The following MAPKAP1 variants were observed in gnomAD, a reference collection of about 807,000 sequenced individuals.
The protein encoded by MAPKAP1 is MAPK associated protein 1.
In MAPKAP1, 20 loss-of-function variants were observed where a neutral mutation model predicts 65.7. The ratio of observed to expected loss-of-function variants is 0.30; its 90% CI spans 0.21 to 0.44. The LOEUF is 0.44. MAPKAP1 is among the 20% of genes least tolerant of loss of function. MAPKAP1 has a pLI of 1.00. For missense variants in MAPKAP1, 423 were observed against 648.0 expected, an observed-to-expected ratio of 0.65 and a Z score of 3.77; for synonymous variants, 222 against 244.3, an observed-to-expected ratio of 0.91 and a Z score of 0.85.
chr9:125,679,867 T>C (rs1267256283), intron 1 of MAPKAP1, among the ~76,000 whole-genome samples: 2 of 152,166 alleles, frequency 1.3e-5, no homozygotes, highest in South Asian at 2.1e-4. Flanking sequence ...CTGTGAAAAC[T>C]TGTCAGAATA....
chr9:125,508,077 G>T lies in MAPKAP1; in HGVS notation c.959-1660C>A, dbSNP rs559279096. The stretch of plus-strand genomic sequence containing the variant: ...GCTACTCGGGAGGCTGAGGCGGGGG[G>T]ATTGCTTGAGCCCAGGAGCTGGAGG... On this transcript the variant is annotated intron_variant, in intron 7 of 11. Transcript: ENST00000265960. Among the ~76,000 whole-genome samples, 5 of 152,138 alleles carry T rather than the reference G, an allele frequency of 3.3e-5. No homozygotes were observed. In the East Asian group the frequency reaches 5.8e-4, roughly 18 times the overall value.
chr9:125,639,986 G>T (rs1415938224), intron 4 of MAPKAP1, among the ~76,000 whole-genome samples: 1 of 152,116 alleles, frequency 6.6e-6, no homozygotes, highest in Non-Finnish European at 1.5e-5. Flanking sequence ...TTCCAGCCAG[G>T]TTCTCCTCAC....
intron 4 of MAPKAP1, among the ~76,000 whole-genome samples, chr9:125,592,592 A>G (rs1397370561): frequency 6.6e-6 from 1 of 152,188 alleles, no homozygotes; most frequent in East Asian, 1.9e-4. Context: ...TAAGGGATCA[A>G]GTAGGCATCA....
intron 4 of MAPKAP1, among the ~76,000 whole-genome samples, chr9:125,587,901 A>C (rs1831836355): frequency 6.6e-6 from 1 of 152,204 alleles, no homozygotes. Context: ...ACAACAACCC[A>C]AAAAACCCCA....
chr9:125,684,937 C>T (rs1588072908), intron 1 of MAPKAP1, among the ~76,000 whole-genome samples: 1 of 152,180 alleles, frequency 6.6e-6, no homozygotes, highest in East Asian at 1.9e-4. Flanking sequence ...CCTCCCAGGG[C>T]GTTGGGATTA....
chr9:125,590,993 C>G (rs561782256), intron 4 of MAPKAP1, among the ~76,000 whole-genome samples: 2 of 152,124 alleles, frequency 1.3e-5, no homozygotes, highest in Non-Finnish European at 2.9e-5. Flanking sequence ...AGGCTGGTCT[C>G]GAACTCCTGA....
In MAPKAP1 at chr9:125,657,754, T is replaced by C. The variant is rs1834071913; in HGVS notation, c.395A>G (p.Lys132Arg). Residue 132 changes from lysine to arginine, a missense_variant, in exon 4 of 12, where the codon AAG becomes AGG. Lys to Arg is a conservative substitution (Grantham distance 26, BLOSUM62 2). Around this residue, in one of 6 missense-constraint regions of MAPKAP1, gnomAD observed 67 missense variants for 69.6 expected, o/e 0.96. Coordinates refer to ENST00000265960, the MANE Select transcript of MAPKAP1 (RefSeq NM_001006617.3). The part of the protein sequence containing the change: ...SLFEKKSLKE[K>R]PPISGKQSIL... ...CGACTGCTTCCCAGAAATTGGAGGC[T>C]TCTCTTTGAGAGATTTTTTTTCAAA... 6.2e-7 allele frequency: 1 copy of C among 1,613,906 alleles called. No homozygotes were observed. The highest frequency in any genetic ancestry group is 1.7e-5 in the Admixed American group (1 of 59,998).
At chr9:125,656,179 C>T (rs985676795) in intron 4 of MAPKAP1, among the ~76,000 whole-genome samples, 1 of 152,146 alleles carries the variant, frequency 6.6e-6, no homozygotes, top group Admixed American at 6.5e-5. Flanking sequence ...CAACTGCTTA[C>T]CCTAATCCCA....
At position 125,459,953 on chromosome 9, in the gene MAPKAP1, G is replaced by C. The variant is rs569845012; in HGVS notation, c.1345+8019C>G. ...GCTTACTTTTTCCATGTCTAAGAGAGTAACTTAAAATCTAAGCTCTCCATT... is the reference window on the plus strand; with the variant it reads ...GCTTACTTTTTCCATGTCTAAGAGACTAACTTAAAATCTAAGCTCTCCATT... On this transcript the variant is annotated intron_variant, in intron 10 of 11. Transcript: ENST00000265960. Among the ~76,000 whole-genome samples the C allele has an allele frequency of 1.6e-4, 25 of 152,252 alleles. No individual in the cohort carries two copies. The South Asian group carries it at 5.2e-3, about 32-fold the overall frequency.
At chr9:125,481,846 T>C (rs1489042510) in intron 9 of MAPKAP1, among the ~76,000 whole-genome samples, 1 of 151,698 alleles carries the variant, frequency 6.6e-6, no homozygotes, top group East Asian at 2.0e-4. Context: ...AAACTGAAAG[T>C]GTGGCCAGGC....
At chr9:125,687,877 C>A (rs1835031884) in intron 1 of MAPKAP1, among the ~76,000 whole-genome samples, 1 of 152,144 alleles carries the variant, frequency 6.6e-6, no homozygotes, top group Non-Finnish European at 1.5e-5. Context: ...CTAGCTATAT[C>A]TTTTTGGAAG....
At chr9:125,497,499 TCA>T (rs1267210172) in intron 8 of MAPKAP1, among the ~76,000 whole-genome samples, 1 of 152,220 alleles carries the variant, frequency 6.6e-6, no homozygotes, top group Non-Finnish European at 1.5e-5. Context: ...ACTTCACCCC[TCA>T]GTTTCCTCTT....
chr9:125,498,390 G>A (rs760278033), intron 8 of MAPKAP1, among the ~76,000 whole-genome samples: 1 of 152,140 alleles, frequency 6.6e-6, no homozygotes, highest in African/African-American at 2.4e-5. Flanking sequence ...TTACTGGCTG[G>A]ATAACTTCGA....
At position 125,467,878 on chromosome 9, in the gene MAPKAP1, G is replaced by A; in HGVS notation, c.1345+94C>T. On this transcript the variant is annotated intron_variant, in intron 10 of 11. Transcript: ENST00000265960. ...ATTAAAACAGACCCAAGGAAAAAAG[G>A]ACACAGTGGCAATATATTCTCCTGG... 2.2e-6 allele frequency: 3 copies of A among 1,346,294 alleles called. No individual in the cohort carries two copies. In the East Asian group the frequency reaches 6.9e-5, roughly 31 times the overall value. 83.4% of individuals were successfully genotyped at this position (1,346,294 alleles called of 1,614,324 possible). A position where few individuals can be genotyped will look rare whatever the true frequency, so the allele number is the denominator to read the frequency against.
At chr9:125,448,992 G>A (rs1336167488) in intron 10 of MAPKAP1, among the ~76,000 whole-genome samples, 10 of 129,526 alleles carry the variant, frequency 7.7e-5, no homozygotes, top group Non-Finnish European at 1.4e-4. Context: ...GTGACAGAGC[G>A]AGACTCTGTC....
At chr9:125,695,927 C>A (rs1440984831) in intron 1 of MAPKAP1, among the ~76,000 whole-genome samples, 1 of 152,102 alleles carries the variant, frequency 6.6e-6, no homozygotes, top group Non-Finnish European at 1.5e-5. Flanking sequence ...GGGGTTTCTA[C>A]ATGTTGGTCA....
At chr9:125,507,369 G>A (rs1301393569) in intron 7 of MAPKAP1, among the ~76,000 whole-genome samples, 5 of 152,332 alleles carry the variant, frequency 3.3e-5, no homozygotes, top group East Asian at 1.9e-4. Context: ...TCTGAAAGGC[G>A]TGTTTGGTCA....
chr9:125,583,166 T>C (rs117370022), intron 5 of MAPKAP1, among the ~76,000 whole-genome samples: 4,134 of 152,322 alleles, frequency 0.027, 84 homozygotes, highest in Non-Finnish European at 0.044. Flanking sequence ...GAGCAGAATA[T>C]AGAATTTAAA....
chr9:125,504,827 A>G (rs1829091043), intron 8 of MAPKAP1, among the ~76,000 whole-genome samples: 1 of 151,932 alleles, frequency 6.6e-6, no homozygotes, highest in South Asian at 2.1e-4. Context: ...AACCAAAACC[A>G]AAAACATCCA....
Sources: gnomAD v4.1 joint callset for allele counts (sites outside exome capture counted in the v4.1 genomes callset) on GRCh38, gnomAD v4.1.1 for gene constraint, gnomAD v4.1.1 regional missense constraint, MANE v1.5 for transcripts, NCBI Gene and HGNC (gene_info 2026-07-23, HGNC 2026-07-21) for gene names.